The following DPP6 variants were observed in gnomAD, a reference collection of about 807,000 sequenced individuals.
The protein encoded by DPP6 is dipeptidyl peptidase like 6.
Under a neutral mutation model 122.6 loss-of-function variants are expected in DPP6, and 69 were observed. The ratio of observed to expected loss-of-function variants is 0.56; its 90% CI spans 0.46 to 0.69. The LOEUF is 0.69. Ranked by LOEUF, DPP6 falls within the 30% of genes least tolerant of loss-of-function variation. DPP6 has a pLI of 0.00. For missense variants in DPP6, 928 were observed against 1,116.9 expected, an observed-to-expected ratio of 0.83 and a Z score of 2.41; for synonymous variants, 418 against 433.1, an observed-to-expected ratio of 0.97 and a Z score of 0.43.
intron 1 of DPP6, among the ~76,000 whole-genome samples, chr7:154,063,355 GCAGGAGGGTGTGGCACCCCCCA>G: frequency 8.5e-6 from 1 of 117,194 alleles, no homozygotes; most frequent in East Asian, 2.7e-4. Flanking sequence ...GAACCCCATT[GCAGGAGGGTGTGGCACCCCCCA>G]CGAGGGTGGG....
the DPP6 span, among the ~76,000 whole-genome samples, chr7:153,879,421 G>A: frequency 6.6e-6 from 1 of 151,940 alleles, no homozygotes; most frequent in South Asian, 2.1e-4. Flanking sequence ...ATGGAGTCTC[G>A]CTGTGCCACC....
At chr7:153,908,370 A>G (rs894513609) in intron 1 of DPP6, among the ~76,000 whole-genome samples, 1 of 152,218 alleles carries the variant, frequency 6.6e-6, no homozygotes, top group Non-Finnish European at 1.5e-5. Flanking sequence ...TTCAGACCAC[A>G]GCTGGATAGG....
intron 1 of DPP6, among the ~76,000 whole-genome samples, chr7:154,438,275 G>T (rs1819042073): frequency 6.6e-6 from 1 of 151,894 alleles, no homozygotes; most frequent in African/African-American, 2.4e-5. Flanking sequence ...AGACCATCCT[G>T]GCTGACACGG....
chr7:154,540,673 G>A, intron 4 of DPP6, 47 bp downstream of exon 4: 1 of 1,181,940 alleles, frequency 8.5e-7, no homozygotes, highest in Admixed American at 2.8e-5. Flanking sequence ...TTTTCTTCCT[G>A]CAAGTCAATA....
rs1584955337 is a variant in DPP6, at chr7:154,875,861, A to G, written c.1884-45A>G. 1.3e-6 allele frequency: 2 copies of G among 1,572,464 alleles called. No individual in the cohort carries two copies. Among genetic ancestry groups the G allele is most frequent in the African/African-American group, 2.7e-5 (2 of 73,768 alleles). On this transcript the variant is annotated intron_variant, in intron 19 of 25. Coordinates refer to ENST00000377770, the MANE Select transcript of DPP6 (RefSeq NM_130797.4). This position sits in a 1 kb window ranked among gnomAD's most constrained non-coding sequence, Gnocchi z 4.5. ...CGTGGCAGCTGCTAGACCAGCCGCC[A>G]CCCACCACGCAGCAGGCCTGCTGAG...
At chr7:154,689,122 A>G (rs1839795699) in intron 7 of DPP6, among the ~76,000 whole-genome samples, 1 of 152,122 alleles carries the variant, frequency 6.6e-6, no homozygotes, top group Non-Finnish European at 1.5e-5. Context: ...CACCCACACT[A>G]TGTTGAGCAG....
intron 8 of DPP6, among the ~76,000 whole-genome samples, chr7:154,763,150 G>A (rs56716485): frequency 0.015 from 2,348 of 152,310 alleles, 59 homozygotes; most frequent in African/African-American, 0.053. Context: ...TGGCCAACAT[G>A]GTGAAACCCC....
intron 1 of DPP6, among the ~76,000 whole-genome samples, chr7:154,286,003 T>TCTAA (rs1804823234): frequency 6.6e-6 from 1 of 152,264 alleles, no homozygotes; most frequent in Non-Finnish European, 1.5e-5. Flanking sequence ...CCTGTCATAC[T>TCTAA]GAAATATACC....
At chr7:154,791,006 C>T (rs1797640976) in intron 10 of DPP6, among the ~76,000 whole-genome samples, 1 of 152,144 alleles carries the variant, frequency 6.6e-6, no homozygotes, top group South Asian at 2.1e-4. Flanking sequence ...AGTCCCAGCA[C>T]TTTGGGAGGC....
chr7:154,554,284 A>G (rs1196017863), intron 4 of DPP6, among the ~76,000 whole-genome samples: 6 of 152,188 alleles, frequency 3.9e-5, no homozygotes, highest in Non-Finnish European at 4.4e-5. Flanking sequence ...AGAGTTGCAC[A>G]TAGCATCCTC....
chr7:153,792,142 T>C, the DPP6 span, among the ~76,000 whole-genome samples: 2 of 152,256 alleles, frequency 1.3e-5, no homozygotes, highest in Non-Finnish European at 2.9e-5. Flanking sequence ...CTTTATTCTT[T>C]CATTATTTGC....
At chr7:154,667,746 C>G (rs990963841) in intron 6 of DPP6, among the ~76,000 whole-genome samples, 1 of 152,018 alleles carries the variant, frequency 6.6e-6, no homozygotes, top group Non-Finnish European at 1.5e-5. Context: ...CAAAACCACG[C>G]AATGTTAAAA....
intron 1 of DPP6, among the ~76,000 whole-genome samples, chr7:153,931,023 A>G (rs893517908): frequency 1.3e-5 from 2 of 152,222 alleles, no homozygotes; most frequent in African/African-American, 4.8e-5. Context: ...GAACAGCAGC[A>G]TTATTAAGAT....
chr7:154,304,397 GC>G (rs2150984517), intron 1 of DPP6, among the ~76,000 whole-genome samples: 1 of 152,326 alleles, frequency 6.6e-6, no homozygotes, highest in South Asian at 2.1e-4. Context: ...GGTGCAGGGA[GC>G]CAGGCAGGGG....
At chr7:153,887,876 C>G (rs1799006005) in intron 1 of DPP6, 2 of 921,712 alleles carry the variant, frequency 2.2e-6, no homozygotes, top group Non-Finnish European at 3.1e-6. Context: ...GCTTCTCCCA[C>G]TTCCCACCCG....
intron 3 of DPP6, among the ~76,000 whole-genome samples, chr7:154,505,707 C>G (rs6960904): frequency 6.6e-6 from 1 of 152,078 alleles, no homozygotes; most frequent in Non-Finnish European, 1.5e-5. Context: ...AAGTAAAATG[C>G]CTTTCTCATC....
chr7:154,859,784 A>G (rs147646561), intron 17 of DPP6, among the ~76,000 whole-genome samples: 2 of 152,244 alleles, frequency 1.3e-5, no homozygotes, highest in East Asian at 3.8e-4. Context: ...CATAGTGAAT[A>G]CATTGCGGGC....
chr7:153,928,321 C>T (rs1466703959), intron 1 of DPP6, among the ~76,000 whole-genome samples: 1 of 150,800 alleles, frequency 6.6e-6, no homozygotes, highest in Non-Finnish European at 1.5e-5. Flanking sequence ...AAGTGATTCT[C>T]CTGCCTTAGC....
At chr7:154,030,205 A>C (rs1433183314) in intron 1 of DPP6, among the ~76,000 whole-genome samples, 2 of 152,176 alleles carry the variant, frequency 1.3e-5, no homozygotes, top group Non-Finnish European at 2.9e-5. Context: ...AAAAGAAATT[A>C]AATAAGTAGC....
Sources: gnomAD v4.1 joint callset for allele counts (sites outside exome capture counted in the v4.1 genomes callset) on GRCh38, gnomAD v4.1.1 for gene constraint, Gnocchi (gnomAD v3.1) non-coding constraint, MANE v1.5 for transcripts, NCBI Gene and HGNC (gene_info 2026-07-23, HGNC 2026-07-21) for gene names.